The following AFG2A variants were observed in gnomAD, a reference collection of about 807,000 sequenced individuals.
AFG2A encodes AAA ATPase AFG2A, also known as ATPase family gene 2 protein homolog A.
the AFG2A span, among the ~76,000 whole-genome samples, chr4:123,062,606 A>G: frequency 6.6e-6 from 1 of 152,198 alleles, no homozygotes; most frequent in Admixed American, 6.5e-5. Flanking sequence ...TGGTATAGCA[A>G]TAGGCTATAT....
At chr4:123,102,805 T>TGTGC in the AFG2A span, among the ~76,000 whole-genome samples, 1 of 147,512 alleles carries the variant, frequency 6.8e-6, no homozygotes, top group Non-Finnish European at 1.5e-5. Context: ...ATTCTGTGTG[T>TGTGC]GTGTGTGTGT....
chr4:122,938,963 G>A, the AFG2A span, among the ~76,000 whole-genome samples: 2 of 151,620 alleles, frequency 1.3e-5, no homozygotes, highest in South Asian at 2.1e-4. Context: ...CTCTTTCAAG[G>A]CTTTGTACTA....
the AFG2A span, among the ~76,000 whole-genome samples, chr4:123,142,483 A>G: frequency 6.6e-6 from 1 of 152,286 alleles, no homozygotes; most frequent in Admixed American, 6.5e-5. Flanking sequence ...GATAAAGCAG[A>G]TATAATTTTG....
chr4:122,927,860 G>A, the AFG2A span: 2 of 1,453,850 alleles, frequency 1.4e-6, no homozygotes, highest in Non-Finnish European at 1.9e-6. Context: ...GGTAGTCAAA[G>A]GAAATGCTCA....
chr4:123,154,172 G>T, the AFG2A span, among the ~76,000 whole-genome samples: 2 of 151,934 alleles, frequency 1.3e-5, no homozygotes, highest in Non-Finnish European at 2.9e-5. Context: ...AAGCTTGAAA[G>T]AAATGGAGGA....
the AFG2A span, among the ~76,000 whole-genome samples, chr4:123,252,142 A>G: frequency 6.6e-6 from 1 of 152,168 alleles, no homozygotes; most frequent in Non-Finnish European, 1.5e-5. Context: ...AAACCTATAC[A>G]AACCTTTTAT....
the AFG2A span, among the ~76,000 whole-genome samples, chr4:123,032,752 C>T: frequency 6.6e-6 from 1 of 152,196 alleles, no homozygotes; most frequent in Non-Finnish European, 1.5e-5. Context: ...ATATGCAGTA[C>T]AGTACTCCCT....
chr4:123,067,040 T>G, the AFG2A span, among the ~76,000 whole-genome samples: 1 of 152,036 alleles, frequency 6.6e-6, no homozygotes, highest in African/African-American at 2.4e-5. Flanking sequence ...GAATTCTTTG[T>G]TATGTGTAGG....
chr4:123,051,140 T>C, the AFG2A span, among the ~76,000 whole-genome samples: 3 of 152,102 alleles, frequency 2.0e-5, no homozygotes, highest in Non-Finnish European at 4.4e-5. Context: ...CGATACATTT[T>C]TTTTTTGGTA....
chr4:122,938,393 T>G, the AFG2A span: 1 of 1,005,446 alleles, frequency 9.9e-7, no homozygotes, highest in African/African-American at 1.7e-5. Flanking sequence ...GGGAAAGATC[T>G]GTAAAATAAT....
chr4:123,206,447 G>C, the AFG2A span, among the ~76,000 whole-genome samples: 1 of 152,094 alleles, frequency 6.6e-6, no homozygotes, highest in Non-Finnish European at 1.5e-5. Context: ...GAAAACACCT[G>C]ATTAGTGCTG....
the AFG2A span, among the ~76,000 whole-genome samples, chr4:123,161,425 C>G: frequency 5.3e-5 from 8 of 152,002 alleles, no homozygotes; most frequent in Non-Finnish European, 1.2e-4. Flanking sequence ...AATAATTACA[C>G]TAAGTCTTGG....
At chr4:123,184,141 G>A in the AFG2A span, among the ~76,000 whole-genome samples, 5 of 152,000 alleles carry the variant, frequency 3.3e-5, no homozygotes, top group African/African-American at 4.8e-5. Context: ...TAAGTAAAGG[G>A]AAGCTGGTGT....
At chr4:123,204,346 C>T in the AFG2A span, among the ~76,000 whole-genome samples, 4 of 152,170 alleles carry the variant, frequency 2.6e-5, no homozygotes, top group African/African-American at 9.7e-5. Context: ...ATATTCCCAC[C>T]AGTAATGAAT....
the AFG2A span, among the ~76,000 whole-genome samples, chr4:123,028,653 G>A: frequency 6.6e-6 from 1 of 152,060 alleles, no homozygotes; most frequent in Non-Finnish European, 1.5e-5. Flanking sequence ...TTATATCCAT[G>A]TGTAACAGAA....
chr4:123,143,604 T>C, the AFG2A span, among the ~76,000 whole-genome samples: 1 of 152,020 alleles, frequency 6.6e-6, no homozygotes. Context: ...AAAGAAGGCA[T>C]GACTTAAGTG....
the AFG2A span, among the ~76,000 whole-genome samples, chr4:123,202,427 G>A: frequency 6.6e-6 from 1 of 152,050 alleles, no homozygotes; most frequent in Non-Finnish European, 1.5e-5. Flanking sequence ...TTTATGGCCA[G>A]CAGATGACTT....
At chr4:123,192,765 G>A in the AFG2A span, among the ~76,000 whole-genome samples, 1 of 152,132 alleles carries the variant, frequency 6.6e-6, no homozygotes, top group African/African-American at 2.4e-5. Flanking sequence ...TTCCTCAATA[G>A]CTTCTTCAAG....
At chr4:123,213,221 G>A in the AFG2A span, among the ~76,000 whole-genome samples, 78 of 152,122 alleles carry the variant, frequency 5.1e-4, no homozygotes, top group African/African-American at 1.5e-3. Context: ...ATTGATCTTC[G>A]TGTACAAGCT....
Sources: gnomAD v4.1 joint callset for allele counts (sites outside exome capture counted in the v4.1 genomes callset) on GRCh38, gnomAD v4.1.1 for gene constraint, MANE v1.5 for transcripts, NCBI Gene and HGNC (gene_info 2026-07-23, HGNC 2026-07-21) for gene names.